Variants in NALF1 observed in about 807,000 individuals in gnomAD.
NALF1 encodes family with sequence similarity 155 member A.
NALF1 carries 3 observed loss-of-function variants against 48.4 expected under a neutral mutation model. The observed-to-expected ratio is 0.06, with a 90% confidence interval of 0.03 to 0.16. NALF1 has a LOEUF of 0.16. Among genes scored for constraint, NALF1 ranks in the 10% least tolerant of loss-of-function variants. The pLI is 1.00. For synonymous variants in NALF1, 262 were observed against 245.7 expected (o/e 1.07, Z -0.62); for missense variants, 526 against 571.5 (o/e 0.92, Z 0.81).
chr13:107,481,951 A>G (rs1334453320), intron 1 of NALF1, among the ~76,000 whole-genome samples: 2 of 152,126 alleles, frequency 1.3e-5, no homozygotes, highest in Admixed American at 1.3e-4. Flanking sequence ...TAATTCTGCC[A>G]TTTGCATGAC....
intron 2 of NALF1, among the ~76,000 whole-genome samples, chr13:107,193,362 G>A (rs982556811): frequency 1.3e-5 from 2 of 151,984 alleles, no homozygotes; most frequent in East Asian, 3.9e-4. Context: ...TTAAACATGC[G>A]GATGGTTTGC....
intron 1 of NALF1, among the ~76,000 whole-genome samples, chr13:107,823,746 T>C (rs1879427587): frequency 6.6e-6 from 1 of 152,198 alleles, no homozygotes; most frequent in African/African-American, 2.4e-5. Context: ...GACAAGTACA[T>C]ACAGATTTTG....
intron 1 of NALF1, among the ~76,000 whole-genome samples, chr13:107,857,699 A>G (rs816998): frequency 0.87 from 131,966 of 152,250 alleles, 57,509 homozygotes; most frequent in Non-Finnish European, 0.92. Flanking sequence ...CAATAATTGA[A>G]TCATCTTTCT....
rs183556094 is a variant in NALF1, at chr13:107,212,305, C to T, written c.916-1550G>A. ...TTTTCTTTGCCAGTCATCAATGGCT[C>T]ACAATCACCATGTAACTTGTTAGTA... On this transcript the variant is annotated intron_variant, in intron 1 of 2. Coordinates refer to ENST00000375915, the MANE Select transcript of NALF1 (RefSeq NM_001080396.3). Among the ~76,000 whole-genome samples the T allele has an allele frequency of 5.3e-5, 8 of 152,334 alleles. 1 individual carries two copies. Among genetic ancestry groups the T allele is most frequent in the African/African-American group, 1.2e-4 (5 of 41,566 alleles).
chr13:107,828,102 G>A (rs942069387), intron 1 of NALF1, among the ~76,000 whole-genome samples: 1 of 152,100 alleles, frequency 6.6e-6, no homozygotes, highest in Non-Finnish European at 1.5e-5. Context: ...TTGTGAGTTC[G>A]ATTTCACATT....
intron 1 of NALF1, among the ~76,000 whole-genome samples, chr13:107,547,968 C>T (rs1399154468): frequency 1.3e-5 from 2 of 151,870 alleles, no homozygotes; most frequent in Non-Finnish European, 2.9e-5. Flanking sequence ...CTAGAAAGCC[C>T]CTTCCTATTT....
At chr13:107,314,399 C>G (rs1354302434) in intron 1 of NALF1, among the ~76,000 whole-genome samples, 1 of 152,150 alleles carries the variant, frequency 6.6e-6, no homozygotes, top group African/African-American at 2.4e-5. Context: ...CTGTCTTAGC[C>G]CTTCTTAGTT....
intron 1 of NALF1, among the ~76,000 whole-genome samples, chr13:107,329,751 C>A (rs1049322306): frequency 6.6e-6 from 1 of 150,450 alleles, no homozygotes; most frequent in Non-Finnish European, 1.5e-5. Flanking sequence ...TGAGAACATG[C>A]GGTGTTTGGC....
At chr13:107,677,779 G>A (rs1365240496) in intron 1 of NALF1, among the ~76,000 whole-genome samples, 2 of 151,934 alleles carry the variant, frequency 1.3e-5, no homozygotes, top group Non-Finnish European at 2.9e-5. Flanking sequence ...TATAGTCTGC[G>A]ATTATACTGT....
intron 1 of NALF1, among the ~76,000 whole-genome samples, chr13:107,224,611 G>A (rs909435312): frequency 9.2e-5 from 14 of 152,096 alleles, no homozygotes; most frequent in African/African-American, 3.1e-4. Context: ...TTCCTAGCAT[G>A]TGTTTTGCCG....
intron 1 of NALF1, among the ~76,000 whole-genome samples, chr13:107,449,462 G>A (rs1389696034): frequency 1.3e-5 from 2 of 152,128 alleles, no homozygotes. Flanking sequence ...GGTGTATTTG[G>A]ACGACAAAAG....
intron 1 of NALF1, among the ~76,000 whole-genome samples, chr13:107,634,681 G>A (rs1879926753): frequency 6.6e-6 from 1 of 151,958 alleles, no homozygotes; most frequent in African/African-American, 2.4e-5. Flanking sequence ...CACATTTCAG[G>A]GAGAGAAGGC....
At position 107,607,622 on chromosome 13, in the gene NALF1, C is replaced by T. The variant is rs193185059; in HGVS notation, c.915+258060G>A. On this transcript the variant is annotated intron_variant, in intron 1 of 2. Coordinates refer to ENST00000375915, the MANE Select transcript of NALF1 (RefSeq NM_001080396.3). ...AAGACACCCACTTAGGAAGCCCTCA[C>T]TCCTCCCTCCTGCTCTGTGATATCG... Among the ~76,000 whole-genome samples, 845 of 152,292 alleles carry T rather than the reference C, an allele frequency of 5.5e-3. 39 individuals are homozygous for T. Among genetic ancestry groups the T allele is most frequent in the Admixed American group, 0.052 (792 of 15,300 alleles).
intron 2 of NALF1, among the ~76,000 whole-genome samples, chr13:107,171,968 G>T (rs1323280305): frequency 6.6e-6 from 1 of 152,168 alleles, no homozygotes; most frequent in Admixed American, 6.5e-5. Flanking sequence ...AAAAACAATA[G>T]TTATCAATGG....
chr13:107,730,364 C>T (rs990785754), intron 1 of NALF1, among the ~76,000 whole-genome samples: 3 of 152,170 alleles, frequency 2.0e-5, no homozygotes, highest in Non-Finnish European at 4.4e-5. Context: ...AAAAATTATA[C>T]AGGACTCTGC....
intron 1 of NALF1, among the ~76,000 whole-genome samples, chr13:107,860,794 G>A (rs1483299673): frequency 1.3e-5 from 2 of 152,136 alleles, no homozygotes; most frequent in East Asian, 1.9e-4. Context: ...ATTTGTTCTC[G>A]TACATTAAAC....
At chr13:107,686,728 C>T (rs1436524572) in intron 1 of NALF1, among the ~76,000 whole-genome samples, 1 of 140,764 alleles carries the variant, frequency 7.1e-6, no homozygotes, top group East Asian at 2.2e-4. Context: ...CAAAGAAATG[C>T]AAGTTACAAC....
At chr13:107,579,266 T>G in intron 1 of NALF1, among the ~76,000 whole-genome samples, 1 of 152,142 alleles carries the variant, frequency 6.6e-6, no homozygotes, top group East Asian at 1.9e-4. Context: ...TCATTTTGTG[T>G]GTTTAGTAGA....
At chr13:107,219,262 C>T (rs1879941976) in intron 1 of NALF1, among the ~76,000 whole-genome samples, 1 of 152,162 alleles carries the variant, frequency 6.6e-6, no homozygotes, top group South Asian at 2.1e-4. Flanking sequence ...CTTAGAAGTG[C>T]AGAGTATTAC....
Sources: allele counts gnomAD v4.1 joint callset (sites outside exome capture counted in the v4.1 genomes callset), GRCh38; gene constraint gnomAD v4.1.1; transcripts MANE v1.5; gene names NCBI Gene and HGNC (gene_info 2026-07-23, HGNC 2026-07-21).